TMEM14B: variants seen among roughly 807,000 people sequenced by gnomAD.
TMEM14B encodes transmembrane protein 14B.
In TMEM14B, 9 loss-of-function variants were observed where a neutral mutation model predicts 14.8. That is an observed-to-expected ratio of 0.61 (90% confidence interval 0.37 to 1.06). The LOEUF (loss-of-function observed/expected upper bound fraction) is 1.06, where lower values mean the gene tolerates loss of function less well. TMEM14B is among the 50% of genes least tolerant of loss of function. TMEM14B has a pLI of 0.01. For missense variants in TMEM14B, 128 were observed against 143.6 expected, an observed-to-expected ratio of 0.89 and a Z score of 0.56; for synonymous variants, 40 against 51.3, an observed-to-expected ratio of 0.78 and a Z score of 0.94.
chr6:10,759,083 TA>T, downstream of TMEM14B: 1 of 167,046 alleles, frequency 6.0e-6, no homozygotes, highest in South Asian at 1.1e-4. Flanking sequence ...CACACCCAGC[TA>T]ATTTTTTGTA....
chr6:10,755,178 T>A lies in TMEM14B; in HGVS notation c.239T>A (p.Met80Lys). 1.9e-6 allele frequency: 3 copies of A among 1,613,786 alleles called. No homozygotes were observed. Among genetic ancestry groups the A allele is most frequent in the Non-Finnish European group, 2.5e-6 (3 of 1,179,736 alleles). ...GTTACTTTTGTTGGTGTTATGGGAA[T>A]GAGATCCTACTACTATGGAAAATTC... Reference protein sequence around the residue: ...TSVTFVGVMGMRSYYYGKFMP... With the variant: ...TSVTFVGVMGKRSYYYGKFMP... The change falls in exon 5 of 6, where the codon ATG (methionine) becomes AAG (lysine). Residue 80 changes from methionine (M) to lysine (K), a missense_variant. By Grantham distance (95) the Met-to-Lys change is moderately conservative. Coordinates refer to ENST00000379542, the MANE Select transcript of TMEM14B (RefSeq NM_030969.5).
At chr6:10,754,621 A>G (rs942789679) in intron 4 of TMEM14B, among the ~76,000 whole-genome samples, 2 of 152,244 alleles carry the variant, frequency 1.3e-5, no homozygotes, top group Non-Finnish European at 2.9e-5. Flanking sequence ...TGAAGCACAC[A>G]TTGTACCTTG....
chr6:10,749,603 A>G lies in TMEM14B; in HGVS notation c.24-19A>G. 1.2e-6 allele frequency: 2 copies of G among 1,613,922 alleles called. No homozygotes were observed. Among genetic ancestry groups the G allele is most frequent in the Non-Finnish European group, 1.7e-6 (2 of 1,179,832 alleles). ...CCAGGTTAGCACTGACTTCTCACTG[A>G]CTTCTCTTGTGTTTTCAGAGTGCCT... On this transcript the variant is annotated intron_variant, in intron 2 of 5. Transcript: ENST00000379542.
rs143450482 is a variant in TMEM14B, at chr6:10,755,184, CCTA to C, written c.252_254del (p.Tyr85del). 1.4e-3 allele frequency: 2,180 copies of C among 1,614,122 alleles called. 21 individuals are homozygous for C. The African/African-American group carries it at 0.024, about 18-fold the overall frequency. ...TTTGTTGGTGTTATGGGAATGAGAT[CCTA>C]CTACTATGGAAAATTCATGCCTGTA... On this transcript the variant is annotated inframe_deletion, in exon 5 of 6. Transcript: ENST00000379542.
downstream of TMEM14B, among the ~76,000 whole-genome samples, chr6:10,758,320 CT>C (rs1771873527): frequency 6.6e-6 from 1 of 152,200 alleles, no homozygotes; most frequent in South Asian, 2.1e-4. Context: ...GAGGACCTGG[CT>C]CCTCATGAAT....
intron 1 of TMEM14B, among the ~76,000 whole-genome samples, chr6:10,748,872 C>CT (rs1325992521): frequency 6.6e-6 from 1 of 152,208 alleles, no homozygotes; most frequent in Non-Finnish European, 1.5e-5. Context: ...GGAGTATTTG[C>CT]TTTCCGATTT....
In TMEM14B at chr6:10,755,312, C is replaced by T. The variant is rs1286610678; in HGVS notation, c.293+80C>T. 3 of 1,601,148 alleles carry T rather than the reference C, an allele frequency of 1.9e-6. No individual in the cohort carries two copies. In the African/African-American group the frequency reaches 4.0e-5, roughly 21 times the overall value. ...AATACTTTATGCATTCAAAACCTTA[C>T]TTGTTTCAGAGTATCTGATGCTATG... On this transcript the variant is annotated intron_variant, in intron 5 of 5. Coordinates refer to ENST00000379542, the MANE Select transcript of TMEM14B (RefSeq NM_030969.5).
At chr6:10,751,062 A>C in intron 3 of TMEM14B, 71 bp from the exon 4 acceptor site, 2 of 1,579,564 alleles carry the variant, frequency 1.3e-6, no homozygotes, top group African/African-American at 1.4e-5. Flanking sequence ...GTAGGGCAGG[A>C]GGTCTGGTGG....
chr6:10,756,953 A>G lies in TMEM14B; in HGVS notation c.*435A>G. On this transcript the variant is annotated 3_prime_UTR_variant, in exon 6 of 6. Coordinates refer to ENST00000379542, the MANE Select transcript of TMEM14B (RefSeq NM_030969.5). ...TTGAAATTATGTTAAGTGAAATATC[A>G]ATGAAAATAAAGTTTACTATAAATA... The G allele has an allele frequency of 2.0e-6, 2 of 984,660 alleles. No homozygotes were observed. Among genetic ancestry groups the G allele is most frequent in the Non-Finnish European group, 2.4e-6 (2 of 829,144 alleles). The allele number at this position is 984,660 out of a possible 1,614,324, so 61.0% of individuals were successfully genotyped here.
intron 1 of TMEM14B, among the ~76,000 whole-genome samples, 194 bp from the exon 2 acceptor site, chr6:10,749,008 G>T (rs751386532): frequency 4.6e-5 from 7 of 152,190 alleles, no homozygotes; most frequent in Non-Finnish European, 7.3e-5. Flanking sequence ...GGTTTACTAG[G>T]TGCTAAGCAC....
rs753606121 is a variant in TMEM14B, at chr6:10,749,705, T to A, written c.100+7T>A. The A allele has an allele frequency of 5.0e-6, 8 of 1,613,854 alleles. No homozygotes were observed. The South Asian group carries it at 8.8e-5, about 18-fold the overall frequency. ...GTTGGCTATGTAAAAACAGGTAGGG[T>A]TTTGTTGTTACTTAGCCTCTTAACA... On this transcript the variant is annotated splice_region_variant and intron_variant, in intron 3 of 5. Transcript: ENST00000379542.
At position 10,749,636 on chromosome 6, in the gene TMEM14B, G is replaced by C; in HGVS notation, c.38G>C (p.Trp13Ser). ...TGTGTTTTCAGAGTGCCTTTGCATT[G>C]GTTTGGCTTTGGCTACACAGCACTG... ...KPLFPLVPLH[W>S]FGFGYTALVV... The change falls in exon 3 of 6, where the codon TGG becomes TCG. Residue 13 changes from tryptophan (W) to serine (S), a missense_variant. Trp to Ser is a radical substitution (Grantham distance 177, BLOSUM62 -3). Coordinates refer to ENST00000379542, the MANE Select transcript of TMEM14B (RefSeq NM_030969.5). 1 of 1,614,216 alleles carries C rather than the reference G, an allele frequency of 6.2e-7. No homozygotes were observed. Among genetic ancestry groups the C allele is most frequent in the East Asian group, 2.2e-5 (1 of 44,890 alleles).
At chr6:10,756,165 C>G (rs1484550514) in intron 5 of TMEM14B, among the ~76,000 whole-genome samples, 1 of 152,168 alleles carries the variant, frequency 6.6e-6, no homozygotes, top group Admixed American at 6.5e-5. Context: ...TACCATAAAT[C>G]AGATCTGTGA....
intron 4 of TMEM14B, among the ~76,000 whole-genome samples, chr6:10,753,251 A>G (rs541205290): frequency 6.6e-6 from 1 of 152,060 alleles, no homozygotes; most frequent in Admixed American, 6.5e-5. Context: ...AATAAAGATC[A>G]TTTATGCCTC....
Position 10,751,244 on chromosome 6 carries a change from C to T in TMEM14B, c.202+10C>T. ...GTTTGGGGTTTCCTAGGTATGTCTG[C>T]TTCAGCGTCTCCTTAGGGCAATCAT... On this transcript the variant is annotated intron_variant, in intron 4 of 5. Transcript: ENST00000379542. The T allele has an allele frequency of 1.2e-6, 2 of 1,613,408 alleles. No individual in the cohort carries two copies. The highest frequency in any genetic ancestry group is 1.7e-6 in the Non-Finnish European group (2 of 1,179,710).
chr6:10,748,719 C>A (rs1192400898), intron 1 of TMEM14B, among the ~76,000 whole-genome samples: 2 of 152,070 alleles, frequency 1.3e-5, no homozygotes. Context: ...CCCTTCTGCC[C>A]TCCTAACGAG....
Position 10,751,209 on chromosome 6 carries a change from T to G in TMEM14B, c.177T>G (p.Asp59Glu), listed in dbSNP as rs1318003874. 6.2e-7 allele frequency: 1 copy of G among 1,613,924 alleles called. No homozygotes were observed. Among genetic ancestry groups the G allele is most frequent in the East Asian group, 2.2e-5 (1 of 44,868 alleles). The change falls in exon 4 of 6, where the codon GAT (aspartate) becomes GAG (glutamate). Residue 59 changes from aspartate (D) to glutamate (E), a missense_variant. Coordinates refer to ENST00000379542, the MANE Select transcript of TMEM14B (RefSeq NM_030969.5). The stretch of plus-strand genomic sequence containing the variant: ...TGGGTGCTTACCAGCTGTATCAGGA[T>G]CCAAGGAACGTTTGGGGTTTCCTAG... ...AGLGAYQLYQ[D>E]PRNVWGFLAA...
chr6:10,749,145 T>C (rs1278618240), intron 1 of TMEM14B, 57 bp from the exon 2 acceptor site: 12 of 1,233,050 alleles, frequency 9.7e-6, no homozygotes, highest in Non-Finnish European at 1.3e-5. Flanking sequence ...CACACTTCTT[T>C]CTGACTGCTG....
In TMEM14B at chr6:10,751,017, G is replaced by A. The variant is rs1033571964; in HGVS notation, c.101-116G>A. The stretch of plus-strand genomic sequence containing the variant: ...CTTCCTGCTTGAGTCCACCTTGGCT[G>A]TGAGCTGTGTTGAGAGTTCTTTGTG... On this transcript the variant is annotated intron_variant, in intron 3 of 5. Transcript: ENST00000379542. The A allele has an allele frequency of 1.6e-5, 20 of 1,239,666 alleles. No individual in the cohort carries two copies. In the South Asian group the frequency reaches 2.1e-4, roughly 13 times the overall value. 76.8% of individuals were successfully genotyped at this position (1,239,666 alleles called of 1,614,324 possible).
Sources: allele counts gnomAD v4.1 joint callset (sites outside exome capture counted in the v4.1 genomes callset), GRCh38; gene constraint gnomAD v4.1.1; transcripts MANE v1.5; gene names NCBI Gene and HGNC (gene_info 2026-07-23, HGNC 2026-07-21).